The following CNTNAP2 variants were observed in gnomAD, a reference collection of about 807,000 sequenced individuals.
CNTNAP2 encodes contactin-associated protein-like 2.
A neutral mutation model predicts 155.2 loss-of-function variants in CNTNAP2; 98 were observed. That is an observed-to-expected ratio of 0.63 (90% CI 0.54 to 0.75). CNTNAP2 has a LOEUF of 0.75. CNTNAP2 is among the 30% of genes least tolerant of loss of function. CNTNAP2 has a pLI of 0.00. For missense variants in CNTNAP2, 1,727 were observed against 1,688.1 expected (o/e 1.02, Z -0.40); for synonymous variants, 651 against 631.2 (o/e 1.03, Z -0.47).
At chr7:147,899,165 C>T (rs1227631113) in intron 13 of CNTNAP2, among the ~76,000 whole-genome samples, 1 of 152,058 alleles carries the variant, frequency 6.6e-6, no homozygotes, top group East Asian at 1.9e-4. Context: ...CATGGCAAAA[C>T]CCTTTCTCTG....
chr7:146,329,895 T>C (rs1379802881), intron 1 of CNTNAP2, among the ~76,000 whole-genome samples: 1 of 152,150 alleles, frequency 6.6e-6, no homozygotes, highest in Non-Finnish European at 1.5e-5. Flanking sequence ...TGTAAAATTA[T>C]TTCCCAAATT....
chr7:147,518,569 G>A (rs182053926), intron 11 of CNTNAP2, among the ~76,000 whole-genome samples: 73 of 152,258 alleles, frequency 4.8e-4, no homozygotes, highest in Non-Finnish European at 9.3e-4. Context: ...TAGCTCTTCC[G>A]GTGGACAGAG....
chr7:148,021,565 C>G (rs1802279368), intron 15 of CNTNAP2, among the ~76,000 whole-genome samples: 1 of 152,174 alleles, frequency 6.6e-6, no homozygotes. Flanking sequence ...GAACGGAAGG[C>G]CTCGTGTTCA....
At chr7:147,890,341 C>T (rs1302901442) in intron 13 of CNTNAP2, among the ~76,000 whole-genome samples, 1 of 152,148 alleles carries the variant, frequency 6.6e-6, no homozygotes, top group Non-Finnish European at 1.5e-5. Flanking sequence ...TTGATCCAAG[C>T]ATCCATCTTA....
At chr7:147,779,600 C>T (rs773360498) in intron 13 of CNTNAP2, among the ~76,000 whole-genome samples, 2 of 152,016 alleles carry the variant, frequency 1.3e-5, no homozygotes, top group African/African-American at 4.8e-5. Flanking sequence ...GGAAGATACA[C>T]GCTGTTGCAA....
chr7:146,876,377 T>A (rs1372465485), intron 3 of CNTNAP2, among the ~76,000 whole-genome samples: 1 of 152,150 alleles, frequency 6.6e-6, no homozygotes, highest in Non-Finnish European at 1.5e-5. Context: ...ATTTTGGAAT[T>A]TTTCTCTTAA....
chr7:148,059,202 C>T (rs1803083532), intron 15 of CNTNAP2, among the ~76,000 whole-genome samples: 1 of 152,102 alleles, frequency 6.6e-6, no homozygotes, highest in Middle Eastern at 3.2e-3. Context: ...GTGGGAGAAT[C>T]ACTTGAACCC....
intron 12 of CNTNAP2, among the ~76,000 whole-genome samples, chr7:147,627,100 C>G (rs1348090228): frequency 1.3e-5 from 2 of 152,118 alleles, no homozygotes; most frequent in African/African-American, 2.4e-5. Context: ...CAGGAAGCCC[C>G]ATCCCTAGGG....
intron 21 of CNTNAP2, among the ~76,000 whole-genome samples, chr7:148,308,669 G>A (rs916216691): frequency 6.6e-6 from 1 of 151,878 alleles, no homozygotes; most frequent in Non-Finnish European, 1.5e-5. Flanking sequence ...GTGGTTTGCT[G>A]TACCCATCAA....
intron 1 of CNTNAP2, among the ~76,000 whole-genome samples, chr7:146,265,457 C>CT (rs796634792): frequency 0.064 from 8,658 of 135,524 alleles, 594 homozygotes; most frequent in African/African-American, 0.16. Context: ...TTCTTTCTTT[C>CT]TTTTTTTTTT....
chr7:146,206,615 T>C (rs1477019812), intron 1 of CNTNAP2, among the ~76,000 whole-genome samples: 4 of 151,986 alleles, frequency 2.6e-5, no homozygotes, highest in Non-Finnish European at 5.9e-5. Context: ...GCACCATTTC[T>C]CTTTTATAAG....
At chr7:148,023,489 T>G (rs1032484027) in intron 15 of CNTNAP2, among the ~76,000 whole-genome samples, 1 of 152,218 alleles carries the variant, frequency 6.6e-6, no homozygotes. Flanking sequence ...TCTTGTCTGG[T>G]TGGAGGATGT....
chr7:147,615,943 G>A (rs1007821888), intron 12 of CNTNAP2, among the ~76,000 whole-genome samples: 1 of 152,000 alleles, frequency 6.6e-6, no homozygotes, highest in Non-Finnish European at 1.5e-5. Flanking sequence ...GGTCTACCTA[G>A]TCTTGGTCTC....
chr7:147,000,162 T>C (rs1227381975), intron 3 of CNTNAP2, among the ~76,000 whole-genome samples: 1 of 152,000 alleles, frequency 6.6e-6, no homozygotes, highest in Non-Finnish European at 1.5e-5. Context: ...ATACTCTCTA[T>C]AGATTTTTAA....
chr7:147,009,478 G>A (rs540228319), intron 3 of CNTNAP2, among the ~76,000 whole-genome samples: 152 of 152,212 alleles, frequency 1.0e-3, no homozygotes, highest in African/African-American at 3.5e-3. Context: ...GTAGAACTGT[G>A]TTGTTTATTT....
intron 23 of CNTNAP2, among the ~76,000 whole-genome samples, chr7:148,414,281 T>G (rs1006884725): frequency 6.6e-6 from 1 of 152,120 alleles, no homozygotes; most frequent in Non-Finnish European, 1.5e-5. Flanking sequence ...GGTTTCACCA[T>G]GTTGCCCAGG....
chr7:147,287,659 G>C (rs1217118646), intron 8 of CNTNAP2, among the ~76,000 whole-genome samples: 3 of 151,702 alleles, frequency 2.0e-5, no homozygotes, highest in Non-Finnish European at 4.4e-5. Flanking sequence ...TTTTTTTCTT[G>C]AGCTCCAGAC....
chr7:146,935,776 G>T (rs1796902396), intron 3 of CNTNAP2, among the ~76,000 whole-genome samples: 1 of 152,148 alleles, frequency 6.6e-6, no homozygotes, highest in African/African-American at 2.4e-5. Context: ...ACACTCAGTT[G>T]TAGGGGATTA....
chr7:146,245,378 G>T (rs1156811917), intron 1 of CNTNAP2, among the ~76,000 whole-genome samples: 1 of 152,142 alleles, frequency 6.6e-6, no homozygotes, highest in Non-Finnish European at 1.5e-5. Context: ...GAAGAAAATA[G>T]ATTTTGGAAG....
Sources: allele counts gnomAD v4.1 joint callset (sites outside exome capture counted in the v4.1 genomes callset), GRCh38; gene constraint gnomAD v4.1.1; transcripts MANE v1.5; gene names NCBI Gene and HGNC (gene_info 2026-07-23, HGNC 2026-07-21).